KCNG3: variants seen among roughly 807,000 people sequenced by gnomAD.
KCNG3 encodes voltage-gated potassium channel regulatory subunit KCNG3.
A neutral mutation model predicts 29.0 loss-of-function variants in KCNG3; 15 were observed. The ratio of observed to expected loss-of-function variants is 0.52; its 90% CI spans 0.35 to 0.80. The LOEUF is 0.80. Ranked by LOEUF, KCNG3 falls within the 30% of genes least tolerant of loss-of-function variation. The probability of loss-of-function intolerance (pLI) is 0.01; values close to 1 mark genes in which losing one functional copy is unlikely to be tolerated. For missense variants in KCNG3, 512 were observed against 605.7 expected, an observed-to-expected ratio of 0.85 and a Z score of 1.62; for synonymous variants, 322 against 248.9, an observed-to-expected ratio of 1.29 and a Z score of -2.76.
the KCNG3 span, among the ~76,000 whole-genome samples, chr2:42,404,747 G>C: frequency 2.0e-5 from 3 of 152,128 alleles, no homozygotes; most frequent in Non-Finnish European, 4.4e-5. Context: ...ACAATGGAAA[G>C]TAGGGAACCA....
intron 1 of KCNG3, among the ~76,000 whole-genome samples, chr2:42,460,016 G>C (rs114310018): frequency 0.016 from 2,384 of 150,898 alleles, 58 homozygotes; most frequent in African/African-American, 0.053. Context: ...GGGGAAACCA[G>C]ATGAAGGGTA....
chr2:42,462,697 A>G (rs902348651), intron 1 of KCNG3, among the ~76,000 whole-genome samples: 2 of 152,098 alleles, frequency 1.3e-5, no homozygotes, highest in African/African-American at 4.8e-5. Flanking sequence ...TAAATAAATA[A>G]ATAATAAAAA....
In KCNG3 at chr2:42,487,830, G is replaced by A. The variant is rs1038403510; in HGVS notation, c.665+5007C>T. ...ATATGAACAGGATAATCACTGCAGC[G>A]TTTACTACAGACAAGAAACGACATA... On this transcript the variant is annotated intron_variant, in intron 1 of 1. Transcript: ENST00000306078. 3.3e-5 allele frequency among the ~76,000 whole-genome samples: 5 copies of A among 152,240 alleles called. No homozygotes were observed. In the South Asian group the frequency reaches 6.2e-4, roughly 19 times the overall value.
chr2:42,478,809 T>G (rs1399509161), intron 1 of KCNG3, among the ~76,000 whole-genome samples: 1 of 152,174 alleles, frequency 6.6e-6, no homozygotes, highest in Non-Finnish European at 1.5e-5. Context: ...CACATATAAC[T>G]CACTTCCTTT....
chr2:42,393,766 T>C, the KCNG3 span, among the ~76,000 whole-genome samples: 2 of 152,038 alleles, frequency 1.3e-5, no homozygotes, highest in Non-Finnish European at 2.9e-5. Flanking sequence ...AGAGGTTATC[T>C]TGACTGAGTA....
At chr2:42,389,106 C>T in the KCNG3 span, among the ~76,000 whole-genome samples, 2 of 152,154 alleles carry the variant, frequency 1.3e-5, no homozygotes, top group East Asian at 3.9e-4. Context: ...TTAGTAGAGA[C>T]AAGGTTTCAC....
chr2:42,467,241 A>G (rs1673163264), intron 1 of KCNG3, among the ~76,000 whole-genome samples: 1 of 152,194 alleles, frequency 6.6e-6, no homozygotes, highest in Non-Finnish European at 1.5e-5. Context: ...TTTGACATCT[A>G]TTCACCAAAA....
At chr2:42,389,353 A>G in the KCNG3 span, among the ~76,000 whole-genome samples, 2 of 152,164 alleles carry the variant, frequency 1.3e-5, no homozygotes, top group East Asian at 1.9e-4. Context: ...TATTGTTCCT[A>G]TGGTCCCTAA....
chr2:42,454,702 C>T (rs1300936978), intron 1 of KCNG3, among the ~76,000 whole-genome samples: 5 of 147,604 alleles, frequency 3.4e-5, no homozygotes, highest in Admixed American at 2.7e-4. Context: ...AAGACTCTGC[C>T]TCAAAAAAAG....
At chr2:42,457,466 GCT>G (rs1672902910) in intron 1 of KCNG3, among the ~76,000 whole-genome samples, 1 of 151,864 alleles carries the variant, frequency 6.6e-6, no homozygotes. Context: ...CCGCACTCCA[GCT>G]GGGCGACAGA....
intron 1 of KCNG3, among the ~76,000 whole-genome samples, chr2:42,472,695 T>C (rs576395155): frequency 1.3e-5 from 2 of 151,574 alleles, no homozygotes; most frequent in African/African-American, 4.8e-5. Flanking sequence ...AGACAGGGTT[T>C]CACCACGTTG....
chr2:42,456,543 T>C (rs1672877585), intron 1 of KCNG3, among the ~76,000 whole-genome samples: 2 of 152,104 alleles, frequency 1.3e-5, no homozygotes, highest in African/African-American at 4.8e-5. Flanking sequence ...TTTGTGACCA[T>C]TATTATTACT....
the KCNG3 span, among the ~76,000 whole-genome samples, chr2:42,399,691 G>A: frequency 6.6e-6 from 1 of 152,196 alleles, no homozygotes; most frequent in Admixed American, 6.5e-5. Context: ...TTTCTGAAGA[G>A]ATTTTGATGG....
chr2:42,405,266 T>G, the KCNG3 span, among the ~76,000 whole-genome samples: 55 of 152,308 alleles, frequency 3.6e-4, 1 homozygote, highest in East Asian at 9.8e-3. Context: ...TTACCTTTTC[T>G]TCCTCTCTTT....
Position 42,477,388 on chromosome 2 carries a change from T to TATAC in KCNG3, c.665+15448_665+15449insGTAT, listed in dbSNP as rs1287875177. 3.6e-4 allele frequency among the ~76,000 whole-genome samples: 38 copies of TATAC among 104,786 alleles called. No individual in the cohort carries two copies. The East Asian group carries it at 3.9e-3, about 11-fold the overall frequency. The allele number at this position is 104,786 out of a possible 152,430, so 68.7% of individuals were successfully genotyped here. A position where few individuals can be genotyped will look rare whatever the true frequency, so the allele number is the denominator to read the frequency against. ...ACATATATATACACACACATATATA[T>TATAC]ACACACACACACACACACACACACA... On this transcript the variant is annotated intron_variant, in intron 1 of 1. Coordinates refer to ENST00000306078, the MANE Select transcript of KCNG3 (RefSeq NM_133329.6).
the KCNG3 span, among the ~76,000 whole-genome samples, chr2:42,416,271 A>T: frequency 1.8e-3 from 268 of 152,278 alleles, 1 homozygote; most frequent in African/African-American, 6.3e-3. Flanking sequence ...CTGGTGTTCT[A>T]CTGCATAGCA....
the KCNG3 span, among the ~76,000 whole-genome samples, chr2:42,434,113 A>AT: frequency 4.6e-5 from 7 of 152,228 alleles, no homozygotes; most frequent in African/African-American, 1.7e-4. Flanking sequence ...TTCCAACTAA[A>AT]TTTTTTTGCA....
chr2:42,448,834 C>T (rs1432273822), intron 1 of KCNG3, among the ~76,000 whole-genome samples: 1 of 152,000 alleles, frequency 6.6e-6, no homozygotes, highest in East Asian at 1.9e-4. Context: ...AGAAATTAGC[C>T]GGGCGCAGTG....
At chr2:42,430,764 AAAAC>A in the KCNG3 span, among the ~76,000 whole-genome samples, 5 of 152,132 alleles carry the variant, frequency 3.3e-5, no homozygotes, top group Admixed American at 2.0e-4. Flanking sequence ...AAAACAAAAC[AAAAC>A]AAACAAACAA....
Sources: allele counts gnomAD v4.1 joint callset (sites outside exome capture counted in the v4.1 genomes callset), GRCh38; gene constraint gnomAD v4.1.1; transcripts MANE v1.5; gene names NCBI Gene and HGNC (gene_info 2026-07-23, HGNC 2026-07-21).